KIF5C: variants seen among roughly 807,000 people sequenced by gnomAD.
KIF5C encodes the protein kinesin family member 5C.
A neutral mutation model predicts 125.2 loss-of-function variants in KIF5C; 18 were observed. The observed-to-expected ratio is 0.14, with a 90% CI of 0.10 to 0.21. The LOEUF (loss-of-function observed/expected upper bound fraction) is 0.21, where lower values mean the gene tolerates loss of function less well. Among genes scored for constraint, KIF5C ranks in the 10% least tolerant of loss-of-function variants. KIF5C has a pLI of 1.00. For synonymous variants in KIF5C, 405 were observed against 434.0 expected (o/e 0.93, Z 0.83); for missense variants, 780 against 1,183.8 (o/e 0.66, Z 5.01).
chr2:149,000,566 C>T, intron 20 of KIF5C, 42 bp downstream of exon 20: 1 of 1,549,264 alleles, frequency 6.5e-7, no homozygotes, highest in African/African-American at 1.4e-5. Flanking sequence ...CTCTCATCCC[C>T]ATGATATTCT....
chr2:148,996,393 A>T (rs887129908), intron 17 of KIF5C, among the ~76,000 whole-genome samples: 3 of 152,240 alleles, frequency 2.0e-5, no homozygotes, highest in African/African-American at 7.2e-5. Context: ...AACACATGGC[A>T]TGTTAGGAGT....
At chr2:148,955,114 A>G (rs899790754) in intron 10 of KIF5C, among the ~76,000 whole-genome samples, 1 of 152,126 alleles carries the variant, frequency 6.6e-6, no homozygotes, top group African/African-American at 2.4e-5. Context: ...TTCCCTCACA[A>G]GCAGGGAAAT....
chr2:148,911,036 T>C (rs1002717529), intron 1 of KIF5C, among the ~76,000 whole-genome samples: 2 of 152,170 alleles, frequency 1.3e-5, no homozygotes, highest in Admixed American at 6.5e-5. Flanking sequence ...TTTCAACATA[T>C]ATTGTTTAGG....
At chr2:148,933,161 C>T (rs1682215871) in intron 3 of KIF5C, among the ~76,000 whole-genome samples, 1 of 152,072 alleles carries the variant, frequency 6.6e-6, no homozygotes, top group Admixed American at 6.5e-5. Flanking sequence ...GCCTTCTCCG[C>T]CCACATCCTC....
intron 1 of KIF5C, among the ~76,000 whole-genome samples, chr2:148,905,725 G>A (rs1259052377): frequency 1.3e-5 from 2 of 152,138 alleles, no homozygotes; most frequent in Non-Finnish European, 2.9e-5. Context: ...TGGGAGGATG[G>A]TATATTAGTC....
At position 149,024,722 on chromosome 2, in the gene KIF5C, A is replaced by T. The variant is rs535220199; in HGVS notation, c.*1652A>T. ...GTGGGGAATAAGGAGAGAGAGGACG[A>T]CAAATTCTATTGAAGTATTTATTTT... is the stretch of plus-strand genomic sequence containing the variant. On this transcript the variant is annotated 3_prime_UTR_variant, in exon 26 of 26. Transcript: ENST00000435030. The T allele has an allele frequency of 6.6e-6, 1 of 152,586 alleles. No individual in the cohort carries two copies. The highest frequency in any genetic ancestry group is 2.4e-5 in the African/African-American group (1 of 41,424). 9.5% of individuals were successfully genotyped at this position (152,586 alleles called of 1,614,324 possible).
chr2:148,887,066 AG>A (rs1681548570), intron 1 of KIF5C, among the ~76,000 whole-genome samples: 1 of 152,214 alleles, frequency 6.6e-6, no homozygotes, highest in Non-Finnish European at 1.5e-5. Context: ...CCTGTAATGT[AG>A]GTAGTCAAAT....
At position 148,997,302 on chromosome 2, in the gene KIF5C, G is replaced by A. The variant is rs1421275680; in HGVS notation, c.2062G>A (p.Glu688Lys). The change falls in exon 18 of 26, where the codon GAA becomes AAA. Residue 688 changes from glutamate to lysine, a missense_variant. Physicochemically the swap from Glu to Lys is moderately conservative, Grantham distance 56. This residue lies in a region of KIF5C where 573 missense variants were observed against 742.6 expected (regional missense o/e 0.77). Transcript: ENST00000435030. ...AGTCAGCTTCCAGGATAAGGAGAAG[G>A]AACATCTGACGCGGTTGCAGGATGC... is the stretch of plus-strand genomic sequence containing the variant. ...HEVSFQDKEK[E>K]HLTRLQDAEE... 1 of 1,613,826 alleles carries A rather than the reference G, an allele frequency of 6.2e-7. No individual in the cohort carries two copies. Among genetic ancestry groups the A allele is most frequent in the Non-Finnish European group, 8.5e-7 (1 of 1,179,852 alleles).
At chr2:148,883,180 A>G (rs1449534007) in intron 1 of KIF5C, among the ~76,000 whole-genome samples, 1 of 152,110 alleles carries the variant, frequency 6.6e-6, no homozygotes, top group Admixed American at 6.6e-5. Flanking sequence ...GAAAATTTAG[A>G]CCATGCAAAA....
At chr2:148,899,250 T>C (rs1680789808) in intron 1 of KIF5C, among the ~76,000 whole-genome samples, 1 of 152,258 alleles carries the variant, frequency 6.6e-6, no homozygotes, top group South Asian at 2.1e-4. Context: ...TTTAATGTTA[T>C]TTTTGTTTCA....
chr2:148,960,337 C>T (rs1020025973), intron 10 of KIF5C, among the ~76,000 whole-genome samples: 2 of 152,176 alleles, frequency 1.3e-5, no homozygotes, highest in Non-Finnish European at 2.9e-5. Flanking sequence ...CCTTAAGTGT[C>T]CATAAGCATT....
chr2:148,950,279 C>A, intron 9 of KIF5C, 35 bp from the exon 10 acceptor site: 2 of 1,599,950 alleles, frequency 1.3e-6, no homozygotes, highest in Non-Finnish European at 1.7e-6. Context: ...TCAGAATGGG[C>A]TGTCAAAACC....
In KIF5C at chr2:148,924,412, G is replaced by A. The variant is rs1681911157; in HGVS notation, c.217+2185G>A. On this transcript the variant is annotated intron_variant, in intron 2 of 25. Transcript: ENST00000435030. This position sits in a 1 kb window ranked among gnomAD's most constrained non-coding sequence, Gnocchi z 4.0. ...CCATCTAAACTCTTAATGATTTGGAGCATCTGGGAGGCTCCATTTAACTCG... is the reference window on the plus strand; with the variant it reads ...CCATCTAAACTCTTAATGATTTGGAACATCTGGGAGGCTCCATTTAACTCG... Among the ~76,000 whole-genome samples the A allele has an allele frequency of 6.6e-6, 1 of 152,150 alleles. No homozygotes were observed. Among genetic ancestry groups the A allele is most frequent in the Non-Finnish European group, 1.5e-5 (1 of 68,018 alleles).
chr2:148,991,839 A>T (rs1300608213), intron 16 of KIF5C, among the ~76,000 whole-genome samples: 1 of 152,166 alleles, frequency 6.6e-6, no homozygotes, highest in Non-Finnish European at 1.5e-5. Context: ...CCGAGGGTAC[A>T]TTTCACTTGC....
Position 148,885,210 on chromosome 2 carries a change from T to C in KIF5C, c.126+9467T>C, listed in dbSNP as rs11889912. On this transcript the variant is annotated intron_variant, in intron 1 of 25. Coordinates refer to ENST00000435030, the MANE Select transcript of KIF5C (RefSeq NM_004522.3). ...CATGTTGCCCAGGCTGGATTCAAAC[T>C]CCTGAGCTCGAGCAATCCACCTGCC... 2.7e-3 allele frequency among the ~76,000 whole-genome samples: 418 copies of C among 152,240 alleles called. 6 individuals carry two copies. The highest frequency in any genetic ancestry group is 9.8e-3 in the African/African-American group (408 of 41,540).
intron 11 of KIF5C, among the ~76,000 whole-genome samples, chr2:148,971,307 T>C (rs892145401): frequency 2.6e-4 from 39 of 151,442 alleles, no homozygotes; most frequent in African/African-American, 7.7e-4. Context: ...TATCTATCTA[T>C]CTATCTATCT....
At chr2:148,929,475 C>A in intron 3 of KIF5C, 121 bp downstream of exon 3, 2 of 614,812 alleles carry the variant, frequency 3.3e-6, no homozygotes, top group South Asian at 2.1e-5. Flanking sequence ...TTATGTTTGG[C>A]CAATTAATTA....
At chr2:148,880,894 G>A (rs1489998960) in intron 1 of KIF5C, among the ~76,000 whole-genome samples, 1 of 151,322 alleles carries the variant, frequency 6.6e-6, no homozygotes, top group Non-Finnish European at 1.5e-5. Flanking sequence ...GGGGTGGGTA[G>A]AGGTAGCAGG....
rs556448162 is a variant in KIF5C, at chr2:148,903,000, T to C, written c.127-19137T>C. On this transcript the variant is annotated intron_variant, in intron 1 of 25. Transcript: ENST00000435030. ...GCACAGGCAGTGGCTTCATGGAGCA[T>C]TGGGTTGAGAGGGATTGTAAGGCTG... Among the ~76,000 whole-genome samples the C allele has an allele frequency of 1.4e-4, 21 of 152,118 alleles. No homozygotes were observed. The East Asian group carries it at 2.7e-3, about 20-fold the overall frequency.
Sources: gnomAD v4.1 joint callset for allele counts (sites outside exome capture counted in the v4.1 genomes callset) on GRCh38, gnomAD v4.1.1 for gene constraint, gnomAD v4.1.1 regional missense constraint, Gnocchi (gnomAD v3.1) non-coding constraint, MANE v1.5 for transcripts, NCBI Gene and HGNC (gene_info 2026-07-23, HGNC 2026-07-21) for gene names.